Variants in NLRP12 observed in about 807,000 individuals in gnomAD.
NLRP12 encodes NACHT, LRR and PYD domains-containing protein 12.
Under a neutral mutation model 91.2 loss-of-function variants are expected in NLRP12, and 108 were observed. The observed-to-expected ratio is 1.18, with a 90% CI of 1.01 to 1.39. NLRP12 has a LOEUF of 1.39. Among genes scored for constraint, NLRP12 ranks in the 40% most tolerant of loss-of-function variants. The pLI, the probability that NLRP12 is intolerant of heterozygous loss-of-function variation, is 0.00. For synonymous variants in NLRP12, 613 were observed against 566.7 expected, an observed-to-expected ratio of 1.08 and a Z score of -1.16; for missense variants, 1,530 against 1,352.7, an observed-to-expected ratio of 1.13 and a Z score of -2.06.
intron 8 of NLRP12, among the ~76,000 whole-genome samples, chr19:53,796,803 C>A (rs979290269): frequency 1.2e-4 from 18 of 151,902 alleles, no homozygotes; most frequent in Non-Finnish European, 2.2e-4. Context: ...TCAAGACCAG[C>A]CTGACCAACA....
At position 53,810,591 on chromosome 19, in the gene NLRP12, G is replaced by T; in HGVS notation, c.1068C>A (p.His356Gln). 6.2e-7 allele frequency: 1 copy of T among 1,614,104 alleles called. No individual in the cohort carries two copies. The highest frequency in any genetic ancestry group is 1.3e-5 in the African/African-American group (1 of 75,056). Reference protein sequence around the residue: ...ALEKLHRLLEHPRHVEILGFS... With the variant: ...ALEKLHRLLEQPRHVEILGFS... ...AGCCCAGGATCTCCACATGCCTGGGGTGCTCCAGCAGACGGTGGAGCTTCT... is the reference window on the plus strand; with the variant it reads ...AGCCCAGGATCTCCACATGCCTGGGTTGCTCCAGCAGACGGTGGAGCTTCT... The change falls in exon 3 of 10, where the codon CAC (histidine) becomes CAA (glutamine). Residue 356 changes from histidine to glutamine, a missense_variant. Coordinates refer to ENST00000324134, the MANE Select transcript of NLRP12 (RefSeq NM_144687.4).
intron 1 of NLRP12, among the ~76,000 whole-genome samples, chr19:53,818,911 T>G (rs967514687): frequency 2.6e-5 from 4 of 152,152 alleles, no homozygotes; most frequent in African/African-American, 9.7e-5. Flanking sequence ...CGATCTTGCC[T>G]GATGCCCTTG....
intron 6 of NLRP12, chr19:53,803,581 C>G: frequency 2.9e-6 from 1 of 345,932 alleles, no homozygotes; most frequent in South Asian, 2.3e-5. Context: ...CACTATTCTA[C>G]TTTGTTTTTT....
chr19:53,820,257 C>T (rs1295621531), intron 1 of NLRP12, among the ~76,000 whole-genome samples: 2 of 152,018 alleles, frequency 1.3e-5, no homozygotes, highest in Non-Finnish European at 2.9e-5. Flanking sequence ...AAGCAGGGTG[C>T]AGTGGCTCAC....
intron 6 of NLRP12, among the ~76,000 whole-genome samples, chr19:53,801,963 C>G (rs1357547590): frequency 6.6e-6 from 1 of 152,042 alleles, no homozygotes; most frequent in South Asian, 2.1e-4. Context: ...CACAGTGGCT[C>G]ATGCCTGTAA....
chr19:53,816,376 G>A (rs1052168117), intron 1 of NLRP12, among the ~76,000 whole-genome samples: 1 of 149,558 alleles, frequency 6.7e-6, no homozygotes, highest in African/African-American at 2.5e-5. Context: ...TACACAGCCC[G>A]CCCCCCCCAA....
rs1056085824 is a variant in NLRP12, at chr19:53,807,864, C to T, written c.2073-199G>A. ...CTCCTGGGTTCAAGCGATTCTCCTG[C>T]CTCAGCCTCCAGAGTAGCTGGGATT... On this transcript the variant is annotated intron_variant, in intron 3 of 9. Coordinates refer to ENST00000324134, the MANE Select transcript of NLRP12 (RefSeq NM_144687.4). 98 of 579,870 alleles carry T rather than the reference C, an allele frequency of 1.7e-4. 5 individuals are homozygous for T. The highest frequency in any genetic ancestry group is 1.4e-3 in the South Asian group (89 of 62,482). The allele number at this position is 579,870 out of a possible 1,614,324, so 35.9% of individuals were successfully genotyped here. A position where few individuals can be genotyped will look rare whatever the true frequency, so the allele number is the denominator to read the frequency against.
At chr19:53,803,708 T>C (rs1256916162) in intron 6 of NLRP12, 1 of 445,674 alleles carries the variant, frequency 2.2e-6, no homozygotes, top group Admixed American at 2.8e-5. Context: ...TGAGTAGCTG[T>C]GATTACAGGC....
intron 2 of NLRP12, among the ~76,000 whole-genome samples, chr19:53,811,521 A>T (rs2122686646): frequency 6.6e-6 from 1 of 151,830 alleles, no homozygotes; most frequent in Non-Finnish European, 1.5e-5. Flanking sequence ...CTCAAAAAAA[A>T]ATTTTTTTTA....
chr19:53,810,059 C>T lies in NLRP12; in HGVS notation c.1600G>A (p.Gly534Arg). ...MYYILDEGEG[G>R]AGPDQDVTRL... ...GTCACGTCCTGGTCTGGGCCTGCCC[C>T]GCCCTCCCCCTCGTCCAGGATATAG... is the stretch of plus-strand genomic sequence containing the variant. The change falls in exon 3 of 10, where the codon GGG (glycine) becomes AGG (arginine). Residue 534 changes from glycine to arginine, a missense_variant. Transcript: ENST00000324134. 1 of 1,614,106 alleles carries T rather than the reference C, an allele frequency of 6.2e-7. No homozygotes were observed. The highest frequency in any genetic ancestry group is 1.6e-4 in the Middle Eastern group (1 of 6,062).
chr19:53,799,319 A>AT (rs1436309825), intron 7 of NLRP12, among the ~76,000 whole-genome samples: 2 of 151,398 alleles, frequency 1.3e-5, no homozygotes, highest in Non-Finnish European at 2.9e-5. Context: ...CGCGTGTGTG[A>AT]TTTTTTGTTT....
At chr19:53,809,123 G>A (rs747323980) in intron 3 of NLRP12, among the ~76,000 whole-genome samples, 3 of 151,778 alleles carry the variant, frequency 2.0e-5, no homozygotes, top group Non-Finnish European at 4.4e-5. Context: ...CTACTCAGGA[G>A]GCTGAGGCAG....
At chr19:53,801,121 G>A (rs1296983590) in intron 7 of NLRP12, 106 bp downstream of exon 7, 79 of 941,104 alleles carry the variant, frequency 8.4e-5, no homozygotes, top group Non-Finnish European at 1.3e-4. Flanking sequence ...GGCTGATGTA[G>A]TAGCTAGAGT....
chr19:53,823,907 G>C lies in NLRP12; in HGVS notation c.268C>G (p.Gln90Glu), dbSNP rs549438462. The change falls in exon 1 of 10, where the codon CAG (glutamine) becomes GAG (glutamate). Residue 90 changes from glutamine (Q) to glutamate (E), a missense_variant. Physicochemically the swap from Gln to Glu is conservative, Grantham distance 29. Coordinates refer to ENST00000324134, the MANE Select transcript of NLRP12 (RefSeq NM_144687.4). Reference protein sequence around the residue: ...INRKDLWERGQREDLVRDTPP... With the variant: ...INRKDLWERGEREDLVRDTPP... ...TTACCCCTCACCAGGTCCTCTCTCTGTCCTCTCTCCCACAGGTCCTTCCTG... is the reference window on the plus strand; with the variant it reads ...TTACCCCTCACCAGGTCCTCTCTCTCTCCTCTCTCCCACAGGTCCTTCCTG... 4 of 1,613,898 alleles carry C rather than the reference G, an allele frequency of 2.5e-6. No individual in the cohort carries two copies. In the Admixed American group the frequency reaches 6.7e-5, roughly 27 times the overall value.
chr19:53,820,105 A>T (rs537013202), intron 1 of NLRP12, among the ~76,000 whole-genome samples: 1 of 152,104 alleles, frequency 6.6e-6, no homozygotes, highest in South Asian at 2.1e-4. Flanking sequence ...AATGTTCACC[A>T]AAGTTTGCTC....
intron 7 of NLRP12, 151 bp from the exon 8 acceptor site, chr19:53,798,564 T>A: frequency 1.3e-6 from 1 of 778,232 alleles, no homozygotes; most frequent in Non-Finnish European, 2.2e-6. Context: ...ACGACAGAAG[T>A]AGGAAGATGA....
intron 5 of NLRP12, among the ~76,000 whole-genome samples, chr19:53,804,935 C>T (rs2091933489): frequency 6.6e-6 from 1 of 151,950 alleles, no homozygotes; most frequent in African/African-American, 2.4e-5. Flanking sequence ...GAGCCTGAGG[C>T]AGGAGAATCA....
chr19:53,823,414 T>TATTTAATA (rs1568702578), intron 1 of NLRP12, among the ~76,000 whole-genome samples: 1 of 98,062 alleles, frequency 1.0e-5, no homozygotes, highest in African/African-American at 3.6e-5. Context: ...TTAAAATATA[T>TATTTAATA]GTTTTAAATA....
At position 53,824,278 on chromosome 19, in the gene NLRP12, C is replaced by T. The variant is rs560282744; in HGVS notation, c.-104G>A. 1.5e-5 allele frequency: 18 copies of T among 1,238,294 alleles called. No homozygotes were observed. In the African/African-American group the frequency reaches 1.9e-4, roughly 13 times the overall value. 76.7% of individuals were successfully genotyped at this position (1,238,294 alleles called of 1,614,324 possible). ...CACCTTCCATTGCATCATTCACAGG[C>T]AGCGGGCGGAGAGGCTGAGCCAGTG... On this transcript the variant is annotated 5_prime_UTR_variant, in exon 1 of 10. Coordinates refer to ENST00000324134, the MANE Select transcript of NLRP12 (RefSeq NM_144687.4).
Sources: gnomAD v4.1 joint callset for allele counts (sites outside exome capture counted in the v4.1 genomes callset) on GRCh38, gnomAD v4.1.1 for gene constraint, MANE v1.5 for transcripts, NCBI Gene and HGNC (gene_info 2026-07-23, HGNC 2026-07-21) for gene names.